Variants in NLRP5 observed in about 807,000 individuals in gnomAD.
NLRP5 encodes NLR family pyrin domain containing 5.
Under a neutral mutation model 113.1 loss-of-function variants are expected in NLRP5, and 93 were observed. The observed-to-expected ratio is 0.82, with a 90% CI of 0.70 to 0.98. The LOEUF is 0.98. NLRP5 is among the 50% of genes least tolerant of loss of function. NLRP5 has a pLI of 0.00. For missense variants in NLRP5, 1,808 were observed against 1,514.3 expected (o/e 1.19, Z -3.22); for synonymous variants, 751 against 600.7 (o/e 1.25, Z -3.66).
Position 56,058,253 on chromosome 19 carries a change from G to T in NLRP5, c.3313G>T (p.Gly1105Ter). 6.2e-7 allele frequency: 1 copy of T among 1,613,538 alleles called. No individual in the cohort carries two copies. The highest frequency in any genetic ancestry group is 8.5e-7 in the Non-Finnish European group (1 of 1,179,642). ...CTGACCCTGCAGGTTGAAGGCATGTGGACTGACTTCTGATTGCTGTGAGGC... is the reference window on the plus strand; with the variant it reads ...CTGACCCTGCAGGTTGAAGGCATGTTGACTGACTTCTGATTGCTGTGAGGC... The change falls in exon 14 of 15, where the codon GGA becomes TGA. Residue 1105 changes from glycine to a stop codon, truncating the protein, a stop_gained. Transcript: ENST00000390649. LOFTEE classifies it high-confidence loss of function.
chr19:56,037,202 G>A (rs568040139), intron 9 of NLRP5, among the ~76,000 whole-genome samples: 19 of 152,240 alleles, frequency 1.2e-4, no homozygotes, highest in African/African-American at 4.3e-4. Context: ...AGCTGTGTAC[G>A]TTCCTCTTTC....
At chr19:55,987,825 C>T in the NLRP5 span, 2 of 1,613,638 alleles carry the variant, frequency 1.2e-6, no homozygotes, top group Non-Finnish European at 1.7e-6. Flanking sequence ...TGTATTCCTG[C>T]CTGGACTCGA....
In NLRP5 at chr19:56,012,401, G is replaced by A. The variant is rs1241877120; in HGVS notation, c.509-3341G>A. ...CTGACCTCGTGATCCACCTGCCTTGGCCTCCCAAAGTGCTGAGATTACAGG... is the reference window on the plus strand; with the variant it reads ...CTGACCTCGTGATCCACCTGCCTTGACCTCCCAAAGTGCTGAGATTACAGG... On this transcript the variant is annotated intron_variant, in intron 3 of 14. Transcript: ENST00000390649. 3.3e-5 allele frequency among the ~76,000 whole-genome samples: 5 copies of A among 150,702 alleles called. 1 individual carries two copies. In the East Asian group the frequency reaches 9.7e-4, roughly 29 times the overall value.
chr19:55,998,658 A>ATGTGTGTGTGTGTGTGTG (rs145042875), upstream of NLRP5, among the ~76,000 whole-genome samples: 3 of 44,678 alleles, frequency 6.7e-5, no homozygotes, highest in African/African-American at 1.1e-4. Context: ...GTCTCAAAAT[A>ATGTGTGTGTGTGTGTGTG]TGTGTGTGTG....
chr19:56,050,164 C>A, intron 11 of NLRP5, among the ~76,000 whole-genome samples: 1 of 151,722 alleles, frequency 6.6e-6, no homozygotes, highest in Non-Finnish European at 1.5e-5. Flanking sequence ...CCTGTAATCC[C>A]AGCTACTCAG....
chr19:56,017,551 C>A (rs1982455875), intron 4 of NLRP5, among the ~76,000 whole-genome samples: 2 of 152,070 alleles, frequency 1.3e-5, no homozygotes, highest in African/African-American at 4.8e-5. Flanking sequence ...GGCTTCACTT[C>A]CATATATTTG....
At chr19:56,026,881 C>G in intron 6 of NLRP5, 32 bp from the exon 7 acceptor site, 1 of 1,535,838 alleles carries the variant, frequency 6.5e-7, no homozygotes, top group Non-Finnish European at 8.8e-7. Flanking sequence ...TGGTCTGTTT[C>G]CTGATTTTCA....
rs377731820 is a variant in NLRP5 at position 56,018,934 on chromosome 19, C to T, written c.566-408C>T. 1.6e-4 allele frequency among the ~76,000 whole-genome samples: 24 copies of T among 152,260 alleles called. No homozygotes were observed. In the East Asian group the frequency reaches 4.2e-3, roughly 27 times the overall value. The stretch of plus-strand genomic sequence containing the variant: ...TCAGCCTCCTGAGTAGCTGGGATTA[C>T]AGGCACGTGCCACCATCCCTGGCTA... On this transcript the variant is annotated intron_variant, in intron 4 of 14. Transcript: ENST00000390649.
At chr19:56,020,897 G>A (rs1226424841) in intron 6 of NLRP5, among the ~76,000 whole-genome samples, 2 of 145,708 alleles carry the variant, frequency 1.4e-5, no homozygotes, top group Non-Finnish European at 3.0e-5. Flanking sequence ...TTTTTGAGAA[G>A]GAGTCTCGCT....
chr19:56,055,791 C>T (rs112739817), intron 13 of NLRP5, among the ~76,000 whole-genome samples: 4,973 of 150,782 alleles, frequency 0.033, 110 homozygotes, highest in African/African-American at 0.051. Flanking sequence ...ATGATCTGCC[C>T]GCCTTGGCCT....
chr19:56,027,527 A>G lies in NLRP5; in HGVS notation c.1294A>G (p.Ile432Val), dbSNP rs781708886. 2 of 1,613,984 alleles carry G rather than the reference A, an allele frequency of 1.2e-6. No individual in the cohort carries two copies. Among genetic ancestry groups the G allele is most frequent in the Non-Finnish European group, 1.7e-6 (2 of 1,179,886 alleles). ...TCCCCGTTACCTGTTAGTTAGAGGAATCTCCGGGGAACAAAGAATCCACTT... is the reference window on the plus strand; with the variant it reads ...TCCCCGTTACCTGTTAGTTAGAGGAGTCTCCGGGGAACAAAGAATCCACTT... The change falls in exon 7 of 15, where the codon ATC (isoleucine) becomes GTC (valine). Residue 432 changes from isoleucine (I) to valine (V), a missense_variant. Physicochemically the swap from Ile to Val is conservative, Grantham distance 29 (BLOSUM62 3). Coordinates refer to ENST00000390649, the MANE Select transcript of NLRP5 (RefSeq NM_153447.4).
intron 7 of NLRP5, among the ~76,000 whole-genome samples, chr19:56,032,237 C>T (rs552520322): frequency 1.1e-4 from 17 of 151,544 alleles, no homozygotes; most frequent in African/African-American, 2.2e-4. Context: ...CCCAGCTACT[C>T]GGGAGGCTGA....
intron 10 of NLRP5, among the ~76,000 whole-genome samples, chr19:56,039,185 C>T (rs1324617966): frequency 6.6e-6 from 1 of 152,190 alleles, no homozygotes; most frequent in East Asian, 1.9e-4. Context: ...GGCTGTGTCA[C>T]TTGTCCACAG....
Position 56,007,531 on chromosome 19 carries a change from A to G in NLRP5, c.443-1257A>G, listed in dbSNP as rs57780649. ...TCTGAGCATAAAGTCAGGGCATCCC[A>G]AAGCCTTTAACAGAGGGTTTGGCTG... On this transcript the variant is annotated intron_variant, in intron 2 of 14. Coordinates refer to ENST00000390649, the MANE Select transcript of NLRP5 (RefSeq NM_153447.4). Among the ~76,000 whole-genome samples the G allele has an allele frequency of 7.9e-3, 1,199 of 151,284 alleles. 66 individuals carry two copies. The highest frequency in any genetic ancestry group is 0.028 in the African/African-American group (1,149 of 40,648).
At chr19:56,038,773 G>A (rs568104168) in intron 10 of NLRP5, among the ~76,000 whole-genome samples, 17 of 152,270 alleles carry the variant, frequency 1.1e-4, no homozygotes, top group Admixed American at 1.0e-3. Context: ...GAGTGGAAAC[G>A]CAGGGGGCAG....
the NLRP5 span, among the ~76,000 whole-genome samples, chr19:55,993,309 T>G: frequency 6.7e-6 from 1 of 149,196 alleles, no homozygotes; most frequent in East Asian, 2.0e-4. Context: ...CCTGCAGTGC[T>G]GCAGAACACC....
At chr19:56,008,648 G>C in intron 2 of NLRP5, 140 bp from the exon 3 acceptor site, 1 of 721,766 alleles carries the variant, frequency 1.4e-6, no homozygotes, top group Non-Finnish European at 2.4e-6. Context: ...CTCCGTTATA[G>C]GCCAATCATG....
Position 56,027,178 on chromosome 19 carries a change from C to CG in NLRP5, c.946dup (p.Val316GlyfsTer7). 2 of 1,607,662 alleles carry CG rather than the reference C, an allele frequency of 1.2e-6. No individual in the cohort carries two copies. Among genetic ancestry groups the CG allele is most frequent in the Non-Finnish European group, 1.7e-6 (2 of 1,177,174 alleles). On this transcript the variant is annotated frameshift_variant, in exon 7 of 15. Coordinates refer to ENST00000390649, the MANE Select transcript of NLRP5 (RefSeq NM_153447.4). LOFTEE classifies it high-confidence loss of function. ...GACTCTACCAGGGAATGTTCTCCTA[C>CG]GTCTTCTTCCTCCCCGTTAGAGAGA...
Position 56,027,938 on chromosome 19 carries a change from A to G in NLRP5, c.1705A>G (p.Ile569Val). Residue 569 changes from isoleucine (I) to valine (V), a missense_variant, in exon 7 of 15, where the codon ATC (isoleucine) becomes GTC (valine). By Grantham distance (29) the Ile-to-Val change is conservative (BLOSUM62 3). Transcript: ENST00000390649. Reference sequence around the variant, plus strand: ...GCTCCGTGCTCTGTTTCACATGAACATCCTTCTCCCAGACAGCCACTGTGA... The same window carrying G: ...GCTCCGTGCTCTGTTTCACATGAACGTCCTTCTCCCAGACAGCCACTGTGA... The G allele has an allele frequency of 6.2e-7, 1 of 1,613,866 alleles. No individual in the cohort carries two copies. The highest frequency in any genetic ancestry group is 8.5e-7 in the Non-Finnish European group (1 of 1,179,840).
Sources: allele counts gnomAD v4.1 joint callset (sites outside exome capture counted in the v4.1 genomes callset), GRCh38; gene constraint gnomAD v4.1.1; transcripts MANE v1.5; gene names NCBI Gene and HGNC (gene_info 2026-07-23, HGNC 2026-07-21).